Variants in PAIP2 observed in about 807,000 individuals in gnomAD.
The protein encoded by PAIP2 is poly(A) binding protein interacting protein 2.
PAIP2 carries 7 observed loss-of-function variants against 14.8 expected under a neutral mutation model. The observed-to-expected ratio is 0.47, with a 90% CI of 0.27 to 0.89. The LOEUF is 0.89. Ranked by LOEUF, PAIP2 falls within the 40% of genes least tolerant of loss-of-function variation. The pLI, the probability that PAIP2 is intolerant of heterozygous loss-of-function variation, is 0.13. For synonymous variants in PAIP2, 47 were observed against 45.3 expected, an observed-to-expected ratio of 1.04 and a Z score of -0.15; for missense variants, 122 against 154.7, an observed-to-expected ratio of 0.79 and a Z score of 1.12.
chr5:139,352,558 A>G (rs1756779079), intron 1 of PAIP2, among the ~76,000 whole-genome samples: 1 of 133,540 alleles, frequency 7.5e-6, no homozygotes, highest in African/African-American at 2.7e-5. Context: ...AGTGCAATGG[A>G]GTGATCTTGG....
intron 1 of PAIP2, among the ~76,000 whole-genome samples, chr5:139,360,861 A>C (rs567176133): frequency 2.0e-5 from 3 of 151,426 alleles, no homozygotes; most frequent in South Asian, 2.1e-4. Context: ...CCTCTCTGCA[A>C]CCTCTGCCTC....
At chr5:139,348,485 GC>G (rs1163470816) in intron 1 of PAIP2, among the ~76,000 whole-genome samples, 6 of 151,788 alleles carry the variant, frequency 4.0e-5, no homozygotes, top group Non-Finnish European at 5.9e-5. Flanking sequence ...CTCCTGAGTA[GC>G]TGGGACTACA....
At chr5:139,346,489 G>C (rs1311621252) in intron 1 of PAIP2, among the ~76,000 whole-genome samples, 1 of 151,832 alleles carries the variant, frequency 6.6e-6, no homozygotes, top group African/African-American at 2.4e-5. Flanking sequence ...CACCCCCTTG[G>C]CCTCCCAAAG....
intron 3 of PAIP2, among the ~76,000 whole-genome samples, chr5:139,366,451 CA>C (rs576309610): frequency 3.9e-5 from 6 of 152,086 alleles, no homozygotes; most frequent in Non-Finnish European, 7.4e-5. Context: ...ATTTGGAAAC[CA>C]TTCTTCTAAA....
At chr5:139,342,022 G>C (rs1756392714) in intron 1 of PAIP2, 42 bp downstream of exon 1, 1 of 152,750 alleles carries the variant, frequency 6.5e-6, no homozygotes, top group Non-Finnish European at 1.5e-5. Flanking sequence ...GGGGTGCGGA[G>C]GTCGAGGGAC....
At chr5:139,354,358 A>G (rs1581305478) in intron 1 of PAIP2, among the ~76,000 whole-genome samples, 1 of 151,936 alleles carries the variant, frequency 6.6e-6, no homozygotes, top group Non-Finnish European at 1.5e-5. Context: ...TCTGACCTCC[A>G]TGGTTTCTGG....
chr5:139,343,507 A>G (rs1292969774), intron 1 of PAIP2: 3 of 152,202 alleles, frequency 2.0e-5, no homozygotes, highest in Admixed American at 6.5e-5. Context: ...TTATGACTCT[A>G]GAGTGTGATG....
At chr5:139,351,621 C>T (rs953771913) in intron 1 of PAIP2, among the ~76,000 whole-genome samples, 8 of 152,054 alleles carry the variant, frequency 5.3e-5, no homozygotes, top group African/African-American at 1.4e-4. Context: ...ACGCTTTAGA[C>T]GTTTGTATAC....
At position 139,361,461 on chromosome 5, in the gene PAIP2, G is replaced by A. The variant is rs1050841972; in HGVS notation, c.-26-2298G>A. On this transcript the variant is annotated intron_variant, in intron 1 of 3. Transcript: ENST00000265192. ...AAGTCACTATACTGCTTGAGTTTAC[G>A]TACAGGTGAATTGTTTTATGTAAAT... 3.9e-5 allele frequency among the ~76,000 whole-genome samples: 6 copies of A among 152,152 alleles called. No individual in the cohort carries two copies. In the East Asian group the frequency reaches 7.7e-4, roughly 20 times the overall value.
intron 1 of PAIP2, among the ~76,000 whole-genome samples, chr5:139,347,435 G>A (rs779265703): frequency 1.7e-4 from 26 of 151,734 alleles, no homozygotes; most frequent in Non-Finnish European, 3.1e-4. Flanking sequence ...CACCATGCCC[G>A]GCTAATTTTT....
At chr5:139,366,226 C>T (rs1038973438) in intron 3 of PAIP2, among the ~76,000 whole-genome samples, 12 of 138,560 alleles carry the variant, frequency 8.7e-5, no homozygotes, top group African/African-American at 2.7e-4. Context: ...AAAAAAAAAG[C>T]GGGGTGGGGG....
In PAIP2 at chr5:139,341,987, G is replaced by C. The variant is rs1401980258; in HGVS notation, c.-27+7G>C. The stretch of plus-strand genomic sequence containing the variant: ...CCCCGCTGCTGTGCATTGGGTGAGG[G>C]GTCCTCTCGGGCAGAGTGGCGACAG... On this transcript the variant is annotated splice_region_variant and intron_variant, in intron 1 of 3. Transcript: ENST00000265192. The C allele has an allele frequency of 2.0e-5, 3 of 152,724 alleles. No individual in the cohort carries two copies. Among genetic ancestry groups the C allele is most frequent in the Non-Finnish European group, 4.4e-5 (3 of 68,140 alleles). 9.5% of individuals were successfully genotyped at this position (152,724 alleles called of 1,614,324 possible).
chr5:139,362,482 C>T (rs1581318737), intron 1 of PAIP2, among the ~76,000 whole-genome samples: 1 of 143,558 alleles, frequency 7.0e-6, no homozygotes, highest in South Asian at 2.2e-4. Context: ...GCAATCTTGG[C>T]TCACCACAGC....
rs1037827442 is a variant in PAIP2 at position 139,360,035 on chromosome 5, C to T, written c.-26-3724C>T. Among the ~76,000 whole-genome samples, 66 of 152,134 alleles carry T rather than the reference C, an allele frequency of 4.3e-4. 1 individual carries two copies. The highest frequency in any genetic ancestry group is 6.2e-4 in the South Asian group (3 of 4,818). On this transcript the variant is annotated intron_variant, in intron 1 of 3. Transcript: ENST00000265192. ...AGGCCAGAGTGCAGTGGCGCAGTCT[C>T]GGCTCACTGCAACCTCCACCTCTCA...
chr5:139,363,184 T>C (rs1757122448), intron 1 of PAIP2, among the ~76,000 whole-genome samples: 1 of 151,726 alleles, frequency 6.6e-6, no homozygotes, highest in Non-Finnish European at 1.5e-5. Context: ...GAGGTTGCAG[T>C]GAACCAAGAT....
intron 3 of PAIP2, among the ~76,000 whole-genome samples, chr5:139,366,567 G>A (rs1031926071): frequency 6.6e-6 from 1 of 152,160 alleles, no homozygotes; most frequent in Non-Finnish European, 1.5e-5. Context: ...TAGTCTGGAG[G>A]GGGGTATGAT....
rs34168919 is a variant in PAIP2 at position 139,361,935 on chromosome 5, C to CAAAA, written c.-26-1807_-26-1804dup. ...CACTCGTCTGGGTGAGACCCTGTCT[C>CAAAA]AAAAAAAAAAAAAAAAAAAAGATGC... is the stretch of plus-strand genomic sequence containing the variant. On this transcript the variant is annotated intron_variant, in intron 1 of 3. Coordinates refer to ENST00000265192, the MANE Select transcript of PAIP2 (RefSeq NM_016480.5). Among the ~76,000 whole-genome samples, 56 of 99,966 alleles carry CAAAA rather than the reference C, an allele frequency of 5.6e-4. 2 individuals are homozygous for CAAAA. Among genetic ancestry groups the CAAAA allele is most frequent in the Non-Finnish European group, 8.7e-4 (46 of 53,066 alleles). 65.6% of individuals were successfully genotyped at this position (99,966 alleles called of 152,430 possible).
chr5:139,350,498 G>T (rs1291664592), intron 1 of PAIP2, among the ~76,000 whole-genome samples: 1 of 151,896 alleles, frequency 6.6e-6, no homozygotes. Context: ...TGTCATGGTG[G>T]CATGCGCCTG....
intron 1 of PAIP2, among the ~76,000 whole-genome samples, chr5:139,355,484 T>C (rs1205304021): frequency 2.0e-5 from 3 of 152,168 alleles, no homozygotes; most frequent in African/African-American, 7.2e-5. Flanking sequence ...TTGTCTCTAC[T>C]GATATTCTCT....
Sources: gnomAD v4.1 joint callset for allele counts (sites outside exome capture counted in the v4.1 genomes callset) on GRCh38, gnomAD v4.1.1 for gene constraint, MANE v1.5 for transcripts, NCBI Gene and HGNC (gene_info 2026-07-23, HGNC 2026-07-21) for gene names.